Variants in MAGI2 observed in about 807,000 individuals in gnomAD.
The protein encoded by MAGI2 is membrane-associated guanylate kinase, WW and PDZ domain-containing protein 2.
Under a neutral mutation model 133.3 loss-of-function variants are expected in MAGI2, and 35 were observed. The observed-to-expected ratio is 0.26, with a 90% confidence interval of 0.20 to 0.35. The LOEUF (loss-of-function observed/expected upper bound fraction) is 0.35. Ranked by LOEUF, MAGI2 falls within the 10% of genes least tolerant of loss-of-function variation. The pLI is 1.00. For synonymous variants in MAGI2, 729 were observed against 710.6 expected (o/e 1.03, Z -0.41); for missense variants, 1,636 against 1,863.4 (o/e 0.88, Z 2.25).
chr7:78,781,380 CAAA>C (rs748533885), intron 2 of MAGI2, among the ~76,000 whole-genome samples: 5 of 100,986 alleles, frequency 5.0e-5, no homozygotes, highest in East Asian at 2.8e-4. Flanking sequence ...CTCCGTCTCA[CAAA>C]AAAAAAAAAA....
chr7:78,832,760 C>A (rs1791300702), intron 2 of MAGI2, among the ~76,000 whole-genome samples: 1 of 152,178 alleles, frequency 6.6e-6, no homozygotes, highest in Non-Finnish European at 1.5e-5. Flanking sequence ...TGTGTAAAGA[C>A]AATGCCAGGT....
chr7:79,381,847 T>G (rs1329350366), intron 1 of MAGI2, among the ~76,000 whole-genome samples: 2 of 151,842 alleles, frequency 1.3e-5, no homozygotes, highest in Admixed American at 6.6e-5. Flanking sequence ...TATCATTGTA[T>G]TATAAACATG....
chr7:79,011,349 T>C (rs1409943099), intron 1 of MAGI2, among the ~76,000 whole-genome samples: 2 of 152,182 alleles, frequency 1.3e-5, no homozygotes, highest in Non-Finnish European at 2.9e-5. Context: ...ATCTCCTTGG[T>C]ATATTCCTTA....
intron 1 of MAGI2, among the ~76,000 whole-genome samples, chr7:79,080,689 G>A (rs113967344): frequency 3.7e-4 from 56 of 152,046 alleles, no homozygotes; most frequent in African/African-American, 1.3e-3. Flanking sequence ...AGTGCAAAAC[G>A]TCGCTATTAC....
intron 1 of MAGI2, among the ~76,000 whole-genome samples, chr7:79,062,428 T>C (rs1813846754): frequency 6.6e-6 from 1 of 152,148 alleles, no homozygotes; most frequent in Non-Finnish European, 1.5e-5. Flanking sequence ...GGTACTTTTG[T>C]GGTAGTTTTT....
intron 2 of MAGI2, among the ~76,000 whole-genome samples, chr7:78,662,852 G>A (rs1026467760): frequency 6.6e-6 from 1 of 152,180 alleles, no homozygotes; most frequent in Non-Finnish European, 1.5e-5. Flanking sequence ...GCTCAATAAA[G>A]GTTTAATAAT....
intron 1 of MAGI2, among the ~76,000 whole-genome samples, chr7:79,300,744 GA>G (rs1207653179): frequency 6.6e-6 from 1 of 152,206 alleles, no homozygotes; most frequent in Non-Finnish European, 1.5e-5. Flanking sequence ...AAGGCAATGG[GA>G]AAAAGGCCCT....
At chr7:78,282,219 CTGA>C (rs1166522237) in intron 9 of MAGI2, among the ~76,000 whole-genome samples, 1 of 152,080 alleles carries the variant, frequency 6.6e-6, no homozygotes. Flanking sequence ...CATTTAGTGG[CTGA>C]TGCTCCTTTA....
chr7:79,125,963 C>G (rs1280863277), intron 1 of MAGI2, among the ~76,000 whole-genome samples: 1 of 152,248 alleles, frequency 6.6e-6, no homozygotes, highest in Non-Finnish European at 1.5e-5. Context: ...TTAGAAAACA[C>G]TCATATGCGT....
intron 1 of MAGI2, among the ~76,000 whole-genome samples, chr7:79,190,049 T>C (rs770728183): frequency 4.6e-5 from 7 of 151,878 alleles, no homozygotes; most frequent in Non-Finnish European, 7.4e-5. Context: ...TTGGTGGCTT[T>C]AAATTTTTTT....
At chr7:79,278,730 A>T (rs1312151034) in intron 1 of MAGI2, among the ~76,000 whole-genome samples, 1 of 152,124 alleles carries the variant, frequency 6.6e-6, no homozygotes, top group African/African-American at 2.4e-5. Flanking sequence ...GCTTATAGAC[A>T]GTGGGCTATG....
chr7:78,586,734 C>T (rs1803457928), intron 3 of MAGI2, among the ~76,000 whole-genome samples: 1 of 152,192 alleles, frequency 6.6e-6, no homozygotes, highest in African/African-American at 2.4e-5. Context: ...ACTCTCCATT[C>T]TTCTCTCCCT....
intron 1 of MAGI2, among the ~76,000 whole-genome samples, chr7:79,229,089 T>C (rs1435491249): frequency 1.3e-5 from 2 of 152,092 alleles, no homozygotes; most frequent in East Asian, 1.9e-4. Flanking sequence ...CAATGATTTT[T>C]TTTTTTTGAG....
intron 3 of MAGI2, among the ~76,000 whole-genome samples, chr7:78,589,221 A>G (rs979701782): frequency 6.6e-6 from 1 of 152,296 alleles, no homozygotes; most frequent in Non-Finnish European, 1.5e-5. Flanking sequence ...CACCACCATC[A>G]TGTTTCACAC....
intron 6 of MAGI2, among the ~76,000 whole-genome samples, chr7:78,455,640 G>A (rs1339022659): frequency 6.6e-6 from 1 of 152,018 alleles, no homozygotes; most frequent in Non-Finnish European, 1.5e-5. Context: ...GCCCACAGCT[G>A]TTACTTATTA....
intron 2 of MAGI2, among the ~76,000 whole-genome samples, chr7:78,875,684 A>T (rs1033494644): frequency 6.6e-6 from 1 of 152,210 alleles, no homozygotes; most frequent in Non-Finnish European, 1.5e-5. Context: ...TCAACCCAAA[A>T]TTACTAAATA....
chr7:78,276,222 T>C (rs1466857745), intron 9 of MAGI2, among the ~76,000 whole-genome samples: 5 of 152,288 alleles, frequency 3.3e-5, no homozygotes, highest in East Asian at 3.9e-4. Context: ...TGAGTCAAGA[T>C]ATTGGAAAAA....
At chr7:78,165,138 T>C (rs1432227197) in intron 15 of MAGI2, among the ~76,000 whole-genome samples, 1 of 152,224 alleles carries the variant, frequency 6.6e-6, no homozygotes, top group Non-Finnish European at 1.5e-5. Flanking sequence ...CGATAGCCTC[T>C]TCCTTTACTC....
intron 20 of MAGI2, among the ~76,000 whole-genome samples, chr7:78,093,883 G>T (rs1817467984): frequency 6.6e-6 from 1 of 152,072 alleles, no homozygotes; most frequent in Non-Finnish European, 1.5e-5. Flanking sequence ...TTATTCACAT[G>T]GTTTTATGCC....
Sources: gnomAD v4.1 joint callset for allele counts (sites outside exome capture counted in the v4.1 genomes callset) on GRCh38, gnomAD v4.1.1 for gene constraint, MANE v1.5 for transcripts, NCBI Gene and HGNC (gene_info 2026-07-23, HGNC 2026-07-21) for gene names.